The following CLEC6A variants were observed in gnomAD, a reference collection of about 807,000 sequenced individuals.
CLEC6A encodes C-type lectin domain containing 6A.
A neutral mutation model predicts 25.7 loss-of-function variants in CLEC6A; 22 were observed. That is an observed-to-expected ratio of 0.85 (90% CI 0.61 to 1.22). CLEC6A has a LOEUF of 1.22. CLEC6A is among the 50% of genes most tolerant of loss of function. CLEC6A has a pLI of 0.00. For synonymous variants in CLEC6A, 92 were observed against 76.7 expected (o/e 1.20, Z -1.04); for missense variants, 240 against 236.8 (o/e 1.01, Z -0.09).
chr12:8,468,289 T>C (rs986704809), intron 4 of CLEC6A, among the ~76,000 whole-genome samples: 42 of 152,316 alleles, frequency 2.8e-4, no homozygotes, highest in Admixed American at 9.8e-4. Flanking sequence ...TCTTTTTAGA[T>C]TGTTTATTTT....
chr12:8,460,817 G>A (rs987933486), intron 3 of CLEC6A: 13 of 1,122,938 alleles, frequency 1.2e-5, no homozygotes, highest in Admixed American at 6.8e-5. Flanking sequence ...ATTCGTGTTA[G>A]CCCTGGTGGC....
chr12:8,475,042 C>T (rs1306977955), intron 4 of CLEC6A, among the ~76,000 whole-genome samples: 2 of 152,048 alleles, frequency 1.3e-5, no homozygotes, highest in Admixed American at 6.6e-5. Flanking sequence ...TAGCCCCCTA[C>T]CCTACGCAGG....
intron 3 of CLEC6A, among the ~76,000 whole-genome samples, chr12:8,464,801 T>C (rs1343538977): frequency 6.6e-6 from 1 of 152,206 alleles, no homozygotes; most frequent in Non-Finnish European, 1.5e-5. Flanking sequence ...CTGGTACTTG[T>C]AAGGGAAGAG....
At chr12:8,463,645 GAA>G (rs986061497) in intron 3 of CLEC6A, among the ~76,000 whole-genome samples, 1 of 152,138 alleles carries the variant, frequency 6.6e-6, no homozygotes, top group African/African-American at 2.4e-5. Flanking sequence ...TGAAAGTAAA[GAA>G]AAAGAAATAT....
chr12:8,456,344 G>T (rs1184559112), intron 1 of CLEC6A, among the ~76,000 whole-genome samples: 2 of 152,094 alleles, frequency 1.3e-5, no homozygotes, highest in African/African-American at 4.8e-5. Flanking sequence ...ATATTTTTTG[G>T]GAGGTTTGTA....
intron 5 of CLEC6A, among the ~76,000 whole-genome samples, chr12:8,476,873 G>T (rs903220171): frequency 3.3e-5 from 5 of 152,020 alleles, no homozygotes; most frequent in African/African-American, 1.2e-4. Context: ...TACCCAGAAC[G>T]TATTCCCTGG....
chr12:8,472,602 G>A (rs1939920719), intron 4 of CLEC6A, among the ~76,000 whole-genome samples: 1 of 152,126 alleles, frequency 6.6e-6, no homozygotes, highest in African/African-American at 2.4e-5. Context: ...GGTCTTACCA[G>A]TGGTGCTGTA....
rs901401938 is a variant in CLEC6A, at chr12:8,477,393, T to A, written c.559T>A (p.Trp187Arg). 6.2e-7 allele frequency: 1 copy of A among 1,612,362 alleles called. No individual in the cohort carries two copies. Among genetic ancestry groups the A allele is most frequent in the Non-Finnish European group, 8.5e-7 (1 of 1,178,776 alleles). The change falls in exon 6 of 6, where the codon TGG becomes AGG. Residue 187 changes from tryptophan to arginine, a missense_variant. Trp to Arg is a moderately radical substitution (Grantham distance 101). Transcript: ENST00000382073. ...ASIVFWKPTG[W>R]GWNDVICETR... ...AATAGTCTTCTGGAAACCTACAGGA[T>A]GGGGCTGGAATGATGTTATCTGTGA... is the stretch of plus-strand genomic sequence containing the variant.
chr12:8,460,800 A>G, intron 3 of CLEC6A: 1 of 1,266,876 alleles, frequency 7.9e-7, no homozygotes, highest in South Asian at 1.2e-5. Flanking sequence ...GTTACCTTAT[A>G]TATAGGATTC....
In CLEC6A at chr12:8,477,411, AT is replaced by A; in HGVS notation, c.578del (p.Ile193ThrfsTer12). ...TACAGGATGGGGCTGGAATGATGTTATCTGTGAAACTAGAAGGAATTCAATA... is the reference window on the plus strand; with the variant it reads ...TACAGGATGGGGCTGGAATGATGTTACTGTGAAACTAGAAGGAATTCAATA... ...KPTGWGWNDV[I>X]CETRRNSICE... On this transcript the variant is annotated frameshift_variant, in exon 6 of 6. Transcript: ENST00000382073. LOFTEE classifies it high-confidence loss of function. 1 of 1,611,674 alleles carries A rather than the reference AT, an allele frequency of 6.2e-7. No individual in the cohort carries two copies. Among genetic ancestry groups the A allele is most frequent in the Non-Finnish European group, 8.5e-7 (1 of 1,178,442 alleles).
At chr12:8,459,759 C>G (rs1220251198) in intron 3 of CLEC6A, 61 bp downstream of exon 3, 6 of 1,050,852 alleles carry the variant, frequency 5.7e-6, no homozygotes, top group Non-Finnish European at 7.5e-6. Flanking sequence ...CAGGGTTGAG[C>G]TCAAGATTGG....
chr12:8,477,531 T>G lies in CLEC6A; in HGVS notation c.*67T>G. Reference sequence around the variant, plus strand: ...ATTTTTTCCCTGACGTCTTTAAAATTGAACCCTATCATGAAATGATAATTT... The same window carrying G: ...ATTTTTTCCCTGACGTCTTTAAAATGGAACCCTATCATGAAATGATAATTT... On this transcript the variant is annotated 3_prime_UTR_variant, in exon 6 of 6. Transcript: ENST00000382073. The G allele has an allele frequency of 8.1e-7, 1 of 1,232,628 alleles. No individual in the cohort carries two copies. The highest frequency in any genetic ancestry group is 1.1e-6 in the Non-Finnish European group (1 of 880,766). 76.4% of individuals were successfully genotyped at this position (1,232,628 alleles called of 1,614,324 possible). A position where few individuals can be genotyped will look rare whatever the true frequency, so the allele number is the denominator to read the frequency against.
At chr12:8,460,681 C>T in intron 3 of CLEC6A, 1 of 1,495,398 alleles carries the variant, frequency 6.7e-7, no homozygotes, top group Non-Finnish European at 9.3e-7. Context: ...CATGAGCTTT[C>T]TTCTGAGGGT....
At chr12:8,465,741 T>C in intron 4 of CLEC6A, 112 bp downstream of exon 4, 1 of 849,140 alleles carries the variant, frequency 1.2e-6, no homozygotes, top group Non-Finnish European at 1.7e-6. Context: ...ATTTTCACAT[T>C]ACTGGGTAAC....
intron 4 of CLEC6A, among the ~76,000 whole-genome samples, chr12:8,466,094 G>A (rs897511852): frequency 1.1e-4 from 16 of 151,924 alleles, no homozygotes; most frequent in African/African-American, 3.6e-4. Flanking sequence ...CAGGTTTATT[G>A]AAGTGTGACT....
intron 4 of CLEC6A, among the ~76,000 whole-genome samples, chr12:8,467,146 T>C (rs1169644764): frequency 6.6e-6 from 1 of 152,210 alleles, no homozygotes; most frequent in African/African-American, 2.4e-5. Context: ...CCTTAGGCTG[T>C]CTTTTCCTTA....
At chr12:8,475,484 G>T (rs1480985398) in intron 4 of CLEC6A, among the ~76,000 whole-genome samples, 1 of 152,162 alleles carries the variant, frequency 6.6e-6, no homozygotes, top group African/African-American at 2.4e-5. Context: ...ACCTAGAAAA[G>T]CTGGTGGTGT....
rs777752356 is a variant in CLEC6A, at chr12:8,465,668, AAC to A, written c.369+45_369+46del. On this transcript the variant is annotated intron_variant, in intron 4 of 5. Coordinates refer to ENST00000382073, the MANE Select transcript of CLEC6A (RefSeq NM_001007033.2). ...TTAAAATTTATTTAATTGTAGAGAA[AAC>A]ACACAATATAAAATTTACTGTCATA... is the stretch of plus-strand genomic sequence containing the variant. The A allele has an allele frequency of 6.4e-6, 10 of 1,564,942 alleles. No individual in the cohort carries two copies. The African/African-American group carries it at 9.5e-5, about 15-fold the overall frequency.
intron 5 of CLEC6A, 90 bp from the exon 6 acceptor site, chr12:8,477,230 T>C: frequency 1.0e-6 from 1 of 993,462 alleles, no homozygotes; most frequent in Non-Finnish European, 1.5e-6. Flanking sequence ...TCTTCCTAAA[T>C]CCCACTTTGT....
Sources: allele counts gnomAD v4.1 joint callset (sites outside exome capture counted in the v4.1 genomes callset), GRCh38; gene constraint gnomAD v4.1.1; transcripts MANE v1.5; gene names NCBI Gene and HGNC (gene_info 2026-07-23, HGNC 2026-07-21).